ZC2HC1A: variants seen among roughly 807,000 people sequenced by gnomAD.
ZC2HC1A encodes the protein zinc finger C2HC domain-containing protein 1A.
Under a neutral mutation model 40.7 loss-of-function variants are expected in ZC2HC1A, and 28 were observed. The ratio of observed to expected loss-of-function variants is 0.69; its 90% CI spans 0.51 to 0.94. ZC2HC1A has a LOEUF of 0.94. Among genes scored for constraint, ZC2HC1A ranks in the 40% least tolerant of loss-of-function variants. The probability of loss-of-function intolerance (pLI) is 0.00; values close to 1 mark genes in which losing one functional copy is unlikely to be tolerated. For missense variants in ZC2HC1A, 389 were observed against 386.3 expected, an observed-to-expected ratio of 1.01 and a Z score of -0.06; for synonymous variants, 129 against 129.2, an observed-to-expected ratio of 1.00 and a Z score of 0.01.
At chr8:78,673,955 C>T (rs578007936) in intron 1 of ZC2HC1A, among the ~76,000 whole-genome samples, 6 of 151,722 alleles carry the variant, frequency 4.0e-5, no homozygotes, top group East Asian at 3.9e-4. Context: ...TAATAATTTT[C>T]GTTTTTTAAA....
chr8:78,717,826 A>G lies in ZC2HC1A; in HGVS notation c.*333A>G, dbSNP rs1295861465. On this transcript the variant is annotated 3_prime_UTR_variant, in exon 9 of 9. Coordinates refer to ENST00000263849, the MANE Select transcript of ZC2HC1A (RefSeq NM_016010.3). Reference sequence around the variant, plus strand: ...TAAGTACATTTCCACAAACTCTCATACTCTAGTGCTTAGCCCTTCAAGCTT... The same window carrying G: ...TAAGTACATTTCCACAAACTCTCATGCTCTAGTGCTTAGCCCTTCAAGCTT... 5.9e-6 allele frequency: 1 copy of G among 168,962 alleles called. No individual in the cohort carries two copies. Among genetic ancestry groups the G allele is most frequent in the East Asian group, 1.6e-4 (1 of 6,172 alleles). The allele number at this position is 168,962 out of a possible 1,614,324, so 10.5% of individuals were successfully genotyped here. A position where few individuals can be genotyped will look rare whatever the true frequency, so the allele number is the denominator to read the frequency against.
intron 7 of ZC2HC1A, among the ~76,000 whole-genome samples, chr8:78,701,536 A>G (rs1320524486): frequency 1.3e-5 from 2 of 152,136 alleles, no homozygotes; most frequent in Non-Finnish European, 2.9e-5. Context: ...ACTATGTTGA[A>G]TAGGAGTGGT....
Position 78,717,664 on chromosome 8 carries a change from G to A in ZC2HC1A, c.*171G>A. 12 of 529,448 alleles carry A rather than the reference G, an allele frequency of 2.3e-5. No individual in the cohort carries two copies. The highest frequency in any genetic ancestry group is 3.7e-5 in the South Asian group (1 of 26,778). 32.8% of individuals were successfully genotyped at this position (529,448 alleles called of 1,614,324 possible). A position where few individuals can be genotyped will look rare whatever the true frequency, so the allele number is the denominator to read the frequency against. On this transcript the variant is annotated 3_prime_UTR_variant, in exon 9 of 9. Transcript: ENST00000263849. The stretch of plus-strand genomic sequence containing the variant: ...ATATAATGTGTGTATGTTTATATGT[G>A]TACATATACTGTATATAATAAATAT...
chr8:78,699,575 G>T (rs1220946537), intron 7 of ZC2HC1A, among the ~76,000 whole-genome samples: 1 of 152,010 alleles, frequency 6.6e-6, no homozygotes, highest in Non-Finnish European at 1.5e-5. Flanking sequence ...CAGGTATTAA[G>T]CCTAGTACCC....
chr8:78,712,050 CAG>C (rs1810967862), intron 7 of ZC2HC1A: 1 of 1,289,668 alleles, frequency 7.8e-7, no homozygotes, highest in African/African-American at 1.5e-5. Context: ...GGTTGTATGA[CAG>C]TGATACAAAA....
chr8:78,710,923 T>C (rs1810931836), intron 7 of ZC2HC1A, among the ~76,000 whole-genome samples: 1 of 152,100 alleles, frequency 6.6e-6, no homozygotes, highest in Admixed American at 6.5e-5. Flanking sequence ...TAATAAAATG[T>C]GTCCCTCCTC....
Position 78,698,519 on chromosome 8 carries a change from T to A in ZC2HC1A, c.704+6T>A, listed in dbSNP as rs185179032. ...ATAGCAGCCCCTCATGCAGGGTAAGTCTACACTGGATATAATTATTAGTGG... is the reference window on the plus strand; with the variant it reads ...ATAGCAGCCCCTCATGCAGGGTAAGACTACACTGGATATAATTATTAGTGG... On this transcript the variant is annotated splice_donor_region_variant and intron_variant, in intron 7 of 8. Coordinates refer to ENST00000263849, the MANE Select transcript of ZC2HC1A (RefSeq NM_016010.3). 1 of 1,572,240 alleles carries A rather than the reference T, an allele frequency of 6.4e-7. No individual in the cohort carries two copies. The highest frequency in any genetic ancestry group is 1.1e-5 in the South Asian group (1 of 87,336).
At chr8:78,666,318 C>G (rs1000449745) in intron 1 of ZC2HC1A, among the ~76,000 whole-genome samples, 154 bp downstream of exon 1, 14 of 152,220 alleles carry the variant, frequency 9.2e-5, no homozygotes, top group African/African-American at 2.9e-4. Context: ...CGAAGGGAAC[C>G]GGACAGTCCC....
chr8:78,682,994 C>T (rs1563623936), intron 3 of ZC2HC1A, among the ~76,000 whole-genome samples: 1 of 152,346 alleles, frequency 6.6e-6, no homozygotes, highest in East Asian at 1.9e-4. Flanking sequence ...CCTTTGACTC[C>T]ATGTCTCACA....
Position 78,697,514 on chromosome 8 carries a change from T to C in ZC2HC1A, c.604+8T>C, listed in dbSNP as rs1481266892. ...CTGGCAAAACTGTTGTAGGTAATGA[T>C]AGCCGAAAAGCAACTTGATTTGTTT... is the stretch of plus-strand genomic sequence containing the variant. On this transcript the variant is annotated splice_region_variant and intron_variant, in intron 6 of 8. Coordinates refer to ENST00000263849, the MANE Select transcript of ZC2HC1A (RefSeq NM_016010.3). 29 of 1,600,520 alleles carry C rather than the reference T, an allele frequency of 1.8e-5. No homozygotes were observed. Among genetic ancestry groups the C allele is most frequent in the Non-Finnish European group, 2.3e-5 (27 of 1,175,178 alleles).
At chr8:78,677,666 A>G (rs942139281) in intron 2 of ZC2HC1A, among the ~76,000 whole-genome samples, 6 of 151,690 alleles carry the variant, frequency 4.0e-5, no homozygotes, top group Non-Finnish European at 8.8e-5. Flanking sequence ...TTTGCAGTGT[A>G]GTAACTTTGA....
At chr8:78,675,184 G>C (rs547757107) in intron 1 of ZC2HC1A, among the ~76,000 whole-genome samples, 189 of 150,732 alleles carry the variant, frequency 1.3e-3, no homozygotes, top group African/African-American at 4.5e-3. Context: ...ATTTAATTTT[G>C]TTTGTAAGGT....
intron 3 of ZC2HC1A, among the ~76,000 whole-genome samples, chr8:78,680,474 C>T (rs1221342434): frequency 6.6e-6 from 1 of 152,072 alleles, no homozygotes; most frequent in Non-Finnish European, 1.5e-5. Flanking sequence ...ATTTTAAGAA[C>T]ATCCTTGGGT....
chr8:78,689,087 A>G, intron 4 of ZC2HC1A, 135 bp from the exon 5 acceptor site: 1 of 515,916 alleles, frequency 1.9e-6, no homozygotes, highest in East Asian at 3.8e-5. Flanking sequence ...CTGGGTAGTT[A>G]TAAGGATATG....
At chr8:78,680,364 C>G (rs1394227667) in intron 3 of ZC2HC1A, among the ~76,000 whole-genome samples, 1 of 148,898 alleles carries the variant, frequency 6.7e-6, no homozygotes, top group African/African-American at 2.5e-5. Flanking sequence ...TGCCTTGTTA[C>G]CTAAAACTGT....
chr8:78,713,765 A>C (rs1240161615), intron 7 of ZC2HC1A, among the ~76,000 whole-genome samples: 1 of 152,234 alleles, frequency 6.6e-6, no homozygotes, highest in Non-Finnish European at 1.5e-5. Context: ...TCTGTAATAC[A>C]GCCCACTTAA....
intron 4 of ZC2HC1A, among the ~76,000 whole-genome samples, chr8:78,687,158 A>G (rs1176740107): frequency 6.6e-6 from 1 of 152,058 alleles, no homozygotes; most frequent in African/African-American, 2.4e-5. Context: ...GCAACCTTGT[A>G]TGAGATACTG....
At chr8:78,704,794 C>T (rs965818316) in intron 7 of ZC2HC1A, among the ~76,000 whole-genome samples, 1 of 152,096 alleles carries the variant, frequency 6.6e-6, no homozygotes, top group African/African-American at 2.4e-5. Context: ...TTTGTTCATT[C>T]CTTTTCATCC....
Position 78,719,452 on chromosome 8 carries a change from T to C in ZC2HC1A, c.*1959T>C, listed in dbSNP as rs559340627. 5.2e-4 allele frequency: 79 copies of C among 151,806 alleles called. No homozygotes were observed. Among genetic ancestry groups the C allele is most frequent in the Non-Finnish European group, 8.4e-4 (57 of 67,726 alleles). The allele number at this position is 151,806 out of a possible 1,614,324, so 9.4% of individuals were successfully genotyped here. A position where few individuals can be genotyped will look rare whatever the true frequency, so the allele number is the denominator to read the frequency against. ...ACTTACGAAATATGTTGTGACAATA[T>C]ATTTAAATGCATTTTTATATTACTT... On this transcript the variant is annotated 3_prime_UTR_variant, in exon 9 of 9. Coordinates refer to ENST00000263849, the MANE Select transcript of ZC2HC1A (RefSeq NM_016010.3).
Sources: gnomAD v4.1 joint callset for allele counts (sites outside exome capture counted in the v4.1 genomes callset) on GRCh38, gnomAD v4.1.1 for gene constraint, MANE v1.5 for transcripts, NCBI Gene and HGNC (gene_info 2026-07-23, HGNC 2026-07-21) for gene names.